NDUFA5: variants seen among roughly 807,000 people sequenced by gnomAD.
NDUFA5 encodes the protein NADH dehydrogenase [ubiquinone] 1 alpha subcomplex subunit 5.
Under a neutral mutation model 19.8 loss-of-function variants are expected in NDUFA5, and 11 were observed. The ratio of observed to expected loss-of-function variants is 0.56; its 90% CI spans 0.35 to 0.92. The LOEUF is 0.92. Ranked by LOEUF, NDUFA5 falls within the 40% of genes least tolerant of loss-of-function variation. The pLI is 0.01. For missense variants in NDUFA5, 109 were observed against 134.2 expected (o/e 0.81, Z 0.93); for synonymous variants, 47 against 46.8 (o/e 1.00, Z -0.01).
At chr7:123,585,246 A>C in the NDUFA5 span, among the ~76,000 whole-genome samples, 1 of 151,736 alleles carries the variant, frequency 6.6e-6, no homozygotes, top group Admixed American at 6.6e-5. Context: ...AATTTCTGAA[A>C]ATTGAAAAAT....
At chr7:123,554,364 T>C (rs1319758046) in intron 2 of NDUFA5, among the ~76,000 whole-genome samples, 1 of 152,232 alleles carries the variant, frequency 6.6e-6, no homozygotes, top group East Asian at 1.9e-4. Flanking sequence ...ATGTTTTTAA[T>C]GGCCAGCACT....
the NDUFA5 span, among the ~76,000 whole-genome samples, chr7:123,567,942 T>A: frequency 3.9e-5 from 6 of 152,182 alleles, no homozygotes; most frequent in Non-Finnish European, 8.8e-5. Flanking sequence ...CAAAATGATT[T>A]GGATTTTTAC....
At chr7:123,542,963 T>C (rs1382658505) in intron 4 of NDUFA5, among the ~76,000 whole-genome samples, 1 of 152,202 alleles carries the variant, frequency 6.6e-6, no homozygotes, top group Non-Finnish European at 1.5e-5. Context: ...AGATGAATAC[T>C]ATTAAACACC....
At chr7:123,601,263 A>T in the NDUFA5 span, among the ~76,000 whole-genome samples, 1 of 152,152 alleles carries the variant, frequency 6.6e-6, no homozygotes, top group African/African-American at 2.4e-5. Flanking sequence ...TTATTAATAC[A>T]TTTGCTACTC....
At chr7:123,568,043 C>T in the NDUFA5 span, among the ~76,000 whole-genome samples, 75 of 152,146 alleles carry the variant, frequency 4.9e-4, no homozygotes, top group African/African-American at 1.7e-3. Context: ...ATTTTCAGAA[C>T]TTCATTCTAA....
At chr7:123,587,939 A>G in the NDUFA5 span, among the ~76,000 whole-genome samples, 1 of 151,740 alleles carries the variant, frequency 6.6e-6, no homozygotes, top group Non-Finnish European at 1.5e-5. Context: ...TTGGTTTACT[A>G]GTATTTTGTT....
chr7:123,552,573 C>T (rs568940318), intron 2 of NDUFA5, among the ~76,000 whole-genome samples: 41 of 138,404 alleles, frequency 3.0e-4, no homozygotes, highest in South Asian at 1.1e-3. Context: ...CACCATGGCA[C>T]GTGTATACCT....
At position 123,557,173 on chromosome 7, in the gene NDUFA5, G is replaced by C. The variant is rs563180065; in HGVS notation, c.66+231C>G. 17 of 703,008 alleles carry C rather than the reference G, an allele frequency of 2.4e-5. No homozygotes were observed. The East Asian group carries it at 2.8e-4, about 11-fold the overall frequency. The allele number at this position is 703,008 out of a possible 1,614,324, so 43.5% of individuals were successfully genotyped here. The stretch of plus-strand genomic sequence containing the variant: ...ACAAGTGAAGCCATGAAAATGTCAA[G>C]GAAAAAGTCAACAAGAAAACTGGCT... On this transcript the variant is annotated intron_variant, in intron 2 of 4. Coordinates refer to ENST00000355749, the MANE Select transcript of NDUFA5 (RefSeq NM_005000.5).
the NDUFA5 span, among the ~76,000 whole-genome samples, chr7:123,570,891 AG>A: frequency 6.6e-6 from 1 of 152,210 alleles, no homozygotes; most frequent in Admixed American, 6.5e-5. Context: ...AAGAACTCTC[AG>A]CAGGAATATA....
At chr7:123,593,627 G>C in the NDUFA5 span, among the ~76,000 whole-genome samples, 1 of 152,088 alleles carries the variant, frequency 6.6e-6, no homozygotes, top group South Asian at 2.1e-4. Flanking sequence ...TGGCTTGTAG[G>C]GTTTCTGCCA....
At chr7:123,566,961 A>C in the NDUFA5 span, 14 of 152,176 alleles carry the variant, frequency 9.2e-5, no homozygotes, top group Non-Finnish European at 1.3e-4. Context: ...TGTATTCTAG[A>C]ATATAGAATC....
At position 123,544,494 on chromosome 7, in the gene NDUFA5, ATC is replaced by A. The variant is rs1331672762; in HGVS notation, c.249+1115_249+1116del. 9.4e-5 allele frequency among the ~76,000 whole-genome samples: 11 copies of A among 116,644 alleles called. No homozygotes were observed. In the East Asian group the frequency reaches 2.2e-3, roughly 24 times the overall value. 76.5% of individuals were successfully genotyped at this position (116,644 alleles called of 152,430 possible). On this transcript the variant is annotated intron_variant, in intron 4 of 4. Coordinates refer to ENST00000355749, the MANE Select transcript of NDUFA5 (RefSeq NM_005000.5). ...GCCTGGGCAACAAGAGCAAAACTCC[ATC>A]TCAAAAAAAAAAAAAAAAAAAAAAT...
chr7:123,546,899 T>TA, intron 3 of NDUFA5: 1 of 414,952 alleles, frequency 2.4e-6, no homozygotes, highest in South Asian at 1.8e-5. Context: ...ACTTCACATA[T>TA]ATGATCAAGT....
chr7:123,576,181 G>A, the NDUFA5 span, among the ~76,000 whole-genome samples: 1 of 150,416 alleles, frequency 6.6e-6, no homozygotes, highest in East Asian at 2.0e-4. Flanking sequence ...TTATGGTCCT[G>A]TAATCCTTCA....
At chr7:123,556,304 A>AT (rs1410228444) in intron 2 of NDUFA5, 1 of 152,290 alleles carries the variant, frequency 6.6e-6, no homozygotes, top group Non-Finnish European at 1.5e-5. Flanking sequence ...CCCACTAAGC[A>AT]ATTAAATATT....
At chr7:123,550,094 GA>G (rs568392383) in intron 3 of NDUFA5, 30 of 175,806 alleles carry the variant, frequency 1.7e-4, no homozygotes, top group Middle Eastern at 2.5e-3. Context: ...AGGTTTCTTT[GA>G]AAAAAAAATG....
intron 3 of NDUFA5, among the ~76,000 whole-genome samples, chr7:123,548,068 C>T (rs1213132621): frequency 6.6e-6 from 1 of 151,882 alleles, no homozygotes; most frequent in Non-Finnish European, 1.5e-5. Context: ...ACGCTTTTCA[C>T]CAAAATAGTA....
the NDUFA5 span, among the ~76,000 whole-genome samples, chr7:123,585,492 T>C: frequency 6.6e-6 from 1 of 151,962 alleles, no homozygotes; most frequent in East Asian, 1.9e-4. Context: ...TTTACATTTT[T>C]CCAGCTTTAT....
upstream of NDUFA5, among the ~76,000 whole-genome samples, chr7:123,558,826 G>C (rs897523020): frequency 6.6e-6 from 1 of 152,124 alleles, no homozygotes; most frequent in Non-Finnish European, 1.5e-5. Flanking sequence ...AAGCTTCTAA[G>C]TGACACCATC....
Sources: allele counts gnomAD v4.1 joint callset (sites outside exome capture counted in the v4.1 genomes callset), GRCh38; gene constraint gnomAD v4.1.1; transcripts MANE v1.5; gene names NCBI Gene and HGNC (gene_info 2026-07-23, HGNC 2026-07-21).